The following NFIB variants were observed in gnomAD, a reference collection of about 807,000 sequenced individuals.
The protein encoded by NFIB is nuclear factor 1 B-type.
In NFIB, 11 loss-of-function variants were observed where a neutral mutation model predicts 61.5. The ratio of observed to expected loss-of-function variants is 0.18; its 90% CI spans 0.11 to 0.30. NFIB has a LOEUF of 0.30. Among genes scored for constraint, NFIB ranks in the 10% least tolerant of loss-of-function variants. The pLI, the probability that NFIB is intolerant of heterozygous loss-of-function variation, is 1.00. For missense variants in NFIB, 471 were observed against 608.9 expected (o/e 0.77, Z 2.38); for synonymous variants, 260 against 216.5 (o/e 1.20, Z -1.76).
chr9:14,427,947 T>TG, the NFIB span, among the ~76,000 whole-genome samples: 54 of 101,622 alleles, frequency 5.3e-4, 1 homozygote, highest in African/African-American at 1.9e-3. Context: ...GTTTTTTTTT[T>TG]TTTTTTTTTT....
chr9:14,319,851 T>C (rs1368370822), intron 1 of NFIB, among the ~76,000 whole-genome samples: 1 of 152,184 alleles, frequency 6.6e-6, no homozygotes, highest in Non-Finnish European at 1.5e-5. Flanking sequence ...AACAACAGAA[T>C]TGTGCATTTT....
chr9:14,090,452 G>T (rs1382220899), intron 10 of NFIB, among the ~76,000 whole-genome samples: 1 of 152,026 alleles, frequency 6.6e-6, no homozygotes, highest in East Asian at 1.9e-4. Flanking sequence ...ACTGCACTTT[G>T]TACATGGTCC....
chr9:14,295,878 G>C (rs1188538227), intron 2 of NFIB, among the ~76,000 whole-genome samples: 1 of 152,138 alleles, frequency 6.6e-6, no homozygotes, highest in Non-Finnish European at 1.5e-5. Flanking sequence ...AAAATTATTT[G>C]ATTCCTTCCC....
At chr9:14,299,731 T>C (rs1169414246) in intron 2 of NFIB, among the ~76,000 whole-genome samples, 1 of 152,230 alleles carries the variant, frequency 6.6e-6, no homozygotes, top group East Asian at 1.9e-4. Context: ...TTGTCAGTGA[T>C]TCATCAGTGC....
intron 1 of NFIB, among the ~76,000 whole-genome samples, chr9:14,369,865 C>T (rs2061339551): frequency 6.6e-6 from 1 of 152,140 alleles, no homozygotes; most frequent in African/African-American, 2.4e-5. Context: ...ATCACCAGCC[C>T]ACTGTAGGTA....
At chr9:14,226,477 G>A (rs968130508) in intron 2 of NFIB, among the ~76,000 whole-genome samples, 7 of 151,540 alleles carry the variant, frequency 4.6e-5, no homozygotes, top group African/African-American at 7.3e-5. Context: ...GAACGCATGC[G>A]GTGGTGCCTG....
intron 1 of NFIB, among the ~76,000 whole-genome samples, chr9:14,378,812 C>A (rs1456744441): frequency 2.0e-5 from 3 of 152,216 alleles, no homozygotes; most frequent in Non-Finnish European, 2.9e-5. Context: ...GGACCTATCC[C>A]ATCCCTGCCC....
intron 2 of NFIB, among the ~76,000 whole-genome samples, chr9:14,267,386 C>T (rs1441689149): frequency 1.3e-5 from 2 of 152,106 alleles, no homozygotes; most frequent in Non-Finnish European, 2.9e-5. Flanking sequence ...AAAGGTTAAC[C>T]TGTCCCTGAG....
intron 4 of NFIB, among the ~76,000 whole-genome samples, chr9:14,151,357 C>T (rs572935919): frequency 2.6e-5 from 4 of 152,084 alleles, no homozygotes; most frequent in Non-Finnish European, 5.9e-5. Flanking sequence ...TTTGTTCATT[C>T]AACAAATTAC....
chr9:14,096,728 T>G (rs1425387475), intron 10 of NFIB: 1 of 152,210 alleles, frequency 6.6e-6, no homozygotes, highest in Non-Finnish European at 1.5e-5. Context: ...ACAGCCTTCT[T>G]CACGCTTCGG....
chr9:14,422,652 G>A, the NFIB span, among the ~76,000 whole-genome samples: 23 of 152,316 alleles, frequency 1.5e-4, no homozygotes, highest in African/African-American at 5.3e-4. Context: ...TCCAAGGAAG[G>A]ATTCAGATTG....
intron 2 of NFIB, among the ~76,000 whole-genome samples, chr9:14,211,982 T>C (rs1465005371): frequency 1.3e-5 from 2 of 152,246 alleles, no homozygotes; most frequent in Admixed American, 6.5e-5. Flanking sequence ...GTTTTATTGG[T>C]AGCTGCAATT....
intron 1 of NFIB, among the ~76,000 whole-genome samples, chr9:14,359,107 G>A (rs748904575): frequency 7.0e-4 from 106 of 152,232 alleles, no homozygotes; most frequent in South Asian, 1.7e-3. Context: ...TACAGAACTG[G>A]GCAAATGCTA....
intron 1 of NFIB, among the ~76,000 whole-genome samples, chr9:14,388,028 A>G (rs1219053711): frequency 6.6e-6 from 1 of 152,200 alleles, no homozygotes; most frequent in African/African-American, 2.4e-5. Flanking sequence ...CTGTGTGCTC[A>G]AGAAGATGTA....
rs1242984145 is a variant in NFIB at position 14,120,389 on chromosome 9, A to C, written c.1245+51T>G. ...ACTAACCTTTGTGTCTCAGAATTAG[A>C]TCTGTCCCATCTCCCTTAGGTGCTA... On this transcript the variant is annotated intron_variant, in intron 8 of 10. Transcript: ENST00000380953. The surrounding 1 kb of genome is among the most constrained non-coding windows in gnomAD (Gnocchi z 4.4). 5 of 1,571,566 alleles carry C rather than the reference A, an allele frequency of 3.2e-6. No homozygotes were observed. Among genetic ancestry groups the C allele is most frequent in the Non-Finnish European group, 4.4e-6 (5 of 1,142,488 alleles).
At chr9:14,148,925 A>G (rs2042575523) in intron 5 of NFIB, among the ~76,000 whole-genome samples, 1 of 152,216 alleles carries the variant, frequency 6.6e-6, no homozygotes, top group Non-Finnish European at 1.5e-5. Flanking sequence ...ATCTGCCTGA[A>G]AAACTTAAAA....
chr9:14,392,795 A>G (rs2061640680), intron 1 of NFIB, among the ~76,000 whole-genome samples: 1 of 152,222 alleles, frequency 6.6e-6, no homozygotes, highest in Non-Finnish European at 1.5e-5. Context: ...ACCAAACTTA[A>G]AGCGTTTAGC....
intron 2 of NFIB, among the ~76,000 whole-genome samples, chr9:14,224,351 G>C (rs934063265): frequency 1.3e-5 from 2 of 152,126 alleles, no homozygotes; most frequent in African/African-American, 4.8e-5. Context: ...AAACATAACA[G>C]CTAAGAACTA....
chr9:14,333,802 C>T (rs762658846), intron 1 of NFIB, among the ~76,000 whole-genome samples: 57 of 152,220 alleles, frequency 3.7e-4, no homozygotes, highest in Non-Finnish European at 6.8e-4. Context: ...CATGTCACCA[C>T]CATACATCTT....
Sources: allele counts gnomAD v4.1 joint callset (sites outside exome capture counted in the v4.1 genomes callset), GRCh38; gene constraint gnomAD v4.1.1; non-coding constraint Gnocchi (gnomAD v3.1); transcripts MANE v1.5; gene names NCBI Gene and HGNC (gene_info 2026-07-23, HGNC 2026-07-21).